Variants in PTPRN2 observed in about 807,000 individuals in gnomAD.
PTPRN2 encodes the protein receptor-type tyrosine-protein phosphatase N2.
A neutral mutation model predicts 118.8 loss-of-function variants in PTPRN2; 74 were observed. The observed-to-expected ratio is 0.62, with a 90% confidence interval of 0.52 to 0.76. The LOEUF (loss-of-function observed/expected upper bound fraction) is 0.76, where lower values mean the gene tolerates loss of function less well. Ranked by LOEUF, PTPRN2 falls within the 30% of genes least tolerant of loss-of-function variation. The pLI is 0.00. For missense variants in PTPRN2, 1,481 were observed against 1,394.4 expected (o/e 1.06, Z -0.99); for synonymous variants, 641 against 608.0 (o/e 1.05, Z -0.80).
At position 157,797,275 on chromosome 7, in the gene PTPRN2, G is replaced by T. The variant is rs184642938; in HGVS notation, c.1788+101398C>A. 1.8e-4 allele frequency among the ~76,000 whole-genome samples: 28 copies of T among 152,372 alleles called. No individual in the cohort carries two copies. The East Asian group carries it at 5.2e-3, about 28-fold the overall frequency. On this transcript the variant is annotated intron_variant, in intron 12 of 22. Coordinates refer to ENST00000389418, the MANE Select transcript of PTPRN2 (RefSeq NM_002847.5). ...CAGGCAGCCCCAAAGGCTATCTGAT[G>T]ACAACACACATTTTCTCATGAAGCG...
intron 21 of PTPRN2, among the ~76,000 whole-genome samples, chr7:157,566,035 T>G (rs777675363): frequency 6.6e-6 from 1 of 152,212 alleles, no homozygotes; most frequent in Non-Finnish European, 1.5e-5. Flanking sequence ...GAACTTCAAC[T>G]ATTCTGAGTT....
chr7:158,342,935 G>T (rs1231757574), intron 2 of PTPRN2, among the ~76,000 whole-genome samples: 1 of 152,142 alleles, frequency 6.6e-6, no homozygotes, highest in Non-Finnish European at 1.5e-5. Flanking sequence ...CGGCAGGGTG[G>T]ACAAGTGCTG....
At chr7:158,200,802 G>A (rs1490337363) in intron 4 of PTPRN2, among the ~76,000 whole-genome samples, 1 of 152,090 alleles carries the variant, frequency 6.6e-6, no homozygotes, top group Non-Finnish European at 1.5e-5. Context: ...AACATTTATT[G>A]TTTCAAAAGG....
chr7:158,434,076 G>A (rs1314717837), intron 2 of PTPRN2, among the ~76,000 whole-genome samples: 1 of 152,024 alleles, frequency 6.6e-6, no homozygotes, highest in Non-Finnish European at 1.5e-5. Context: ...TTAGCAATAT[G>A]TTAAGATTTG....
chr7:157,631,864 GC>G (rs1346872185), intron 14 of PTPRN2, among the ~76,000 whole-genome samples: 2 of 151,270 alleles, frequency 1.3e-5, no homozygotes, highest in African/African-American at 4.9e-5. Flanking sequence ...AATTAAGAAT[GC>G]CCTTCAGATA....
intron 10 of PTPRN2, among the ~76,000 whole-genome samples, chr7:158,090,203 G>C (rs1031393350): frequency 2.6e-5 from 4 of 152,218 alleles, no homozygotes; most frequent in African/African-American, 4.8e-5. Context: ...ATGAAAGAGG[G>C]AGTCTTCACA....
At chr7:158,514,525 A>G (rs539402581) in intron 1 of PTPRN2, among the ~76,000 whole-genome samples, 108 of 152,298 alleles carry the variant, frequency 7.1e-4, no homozygotes, top group African/African-American at 2.6e-3. Context: ...TGTCCCTGTG[A>G]GACACGACAC....
At chr7:157,866,827 A>ACCG (rs1303946794) in intron 12 of PTPRN2, among the ~76,000 whole-genome samples, 2 of 36,562 alleles carry the variant, frequency 5.5e-5, no homozygotes, top group African/African-American at 2.3e-4. Context: ...CATGGCCACC[A>ACCG]CCGCCCCCCC....
chr7:157,555,466 C>G (rs1207123395), intron 21 of PTPRN2, among the ~76,000 whole-genome samples: 1 of 152,218 alleles, frequency 6.6e-6, no homozygotes, highest in Non-Finnish European at 1.5e-5. Context: ...TCTTGGCTGA[C>G]CGAGCTGTGT....
At chr7:158,245,780 G>A (rs1796208301) in intron 3 of PTPRN2, among the ~76,000 whole-genome samples, 1 of 152,170 alleles carries the variant, frequency 6.6e-6, no homozygotes, top group Non-Finnish European at 1.5e-5. Context: ...GAAGCAGCCG[G>A]CTCAGGGCCG....
chr7:158,154,196 G>A (rs796423580), intron 6 of PTPRN2, among the ~76,000 whole-genome samples: 16 of 152,288 alleles, frequency 1.1e-4, no homozygotes, highest in African/African-American at 3.1e-4. Flanking sequence ...GCAGCGTAAC[G>A]CAGAGACAGG....
At chr7:158,163,654 G>A (rs527774573) in intron 6 of PTPRN2, among the ~76,000 whole-genome samples, 25 of 147,390 alleles carry the variant, frequency 1.7e-4, no homozygotes, top group Non-Finnish European at 2.8e-4. Context: ...GGTGACGCCC[G>A]TATGAAGTTC....
At chr7:157,952,293 G>A (rs1417148277) in intron 11 of PTPRN2, among the ~76,000 whole-genome samples, 2 of 152,078 alleles carry the variant, frequency 1.3e-5, no homozygotes, top group African/African-American at 4.8e-5. Context: ...CCCGGTGCAG[G>A]GATGGGTGGG....
intron 1 of PTPRN2, among the ~76,000 whole-genome samples, chr7:158,559,788 G>T (rs1827264965): frequency 6.6e-6 from 1 of 152,226 alleles, no homozygotes; most frequent in Non-Finnish European, 1.5e-5. Context: ...AGCAAAGAAG[G>T]TCATCTGAGA....
chr7:158,078,458 G>A (rs1344180104), intron 11 of PTPRN2, among the ~76,000 whole-genome samples: 6 of 152,170 alleles, frequency 3.9e-5, no homozygotes, highest in Non-Finnish European at 7.3e-5. Context: ...ATCACCACAG[G>A]GCGTTTGTGA....
At chr7:158,128,280 T>C (rs1817863868) in intron 9 of PTPRN2, among the ~76,000 whole-genome samples, 1 of 152,238 alleles carries the variant, frequency 6.6e-6, no homozygotes, top group South Asian at 2.1e-4. Context: ...AGAGGAGACC[T>C]CACCTAGTGC....
chr7:158,559,482 G>A (rs938988697), intron 1 of PTPRN2, among the ~76,000 whole-genome samples: 3 of 152,030 alleles, frequency 2.0e-5, no homozygotes, highest in Non-Finnish European at 2.9e-5. Flanking sequence ...CCCTCTTACC[G>A]AATATTCGTT....
chr7:157,850,793 T>C lies in PTPRN2; in HGVS notation c.1788+47880A>G, dbSNP rs541329179. 3.3e-5 allele frequency among the ~76,000 whole-genome samples: 5 copies of C among 152,060 alleles called. No individual in the cohort carries two copies. In the South Asian group the frequency reaches 1.0e-3, roughly 32 times the overall value. On this transcript the variant is annotated intron_variant, in intron 12 of 22. Coordinates refer to ENST00000389418, the MANE Select transcript of PTPRN2 (RefSeq NM_002847.5). ...CACACCACAAGCGGCCACGGTAGAG[T>C]TGACGGGAGAAACCAACTTTAAATT...
At chr7:158,532,852 G>C (rs779717492) in intron 1 of PTPRN2, 4 of 530,486 alleles carry the variant, frequency 7.5e-6, no homozygotes, top group African/African-American at 3.9e-5. Context: ...AATGTGGCCC[G>C]TGCTGCACTC....
Sources: allele counts gnomAD v4.1 joint callset (sites outside exome capture counted in the v4.1 genomes callset), GRCh38; gene constraint gnomAD v4.1.1; transcripts MANE v1.5; gene names NCBI Gene and HGNC (gene_info 2026-07-23, HGNC 2026-07-21).